CD226: variants seen among roughly 807,000 people sequenced by gnomAD.
The protein encoded by CD226 is CD226 molecule.
Under a neutral mutation model 34.9 loss-of-function variants are expected in CD226, and 24 were observed. The observed-to-expected ratio is 0.69, with a 90% CI of 0.50 to 0.97. CD226 has a LOEUF of 0.97. Among genes scored for constraint, CD226 ranks in the 50% least tolerant of loss-of-function variants. The probability of loss-of-function intolerance (pLI) is 0.00; values close to 1 mark genes in which losing one functional copy is unlikely to be tolerated. For synonymous variants in CD226, 148 were observed against 147.4 expected (o/e 1.00, Z -0.03); for missense variants, 397 against 412.7 (o/e 0.96, Z 0.33).
At chr18:69,938,169 A>G (rs979997316) in intron 2 of CD226, among the ~76,000 whole-genome samples, 10 of 152,218 alleles carry the variant, frequency 6.6e-5, no homozygotes, top group African/African-American at 2.4e-4. Context: ...CAGCAAACAT[A>G]CAATACAGCC....
intron 2 of CD226, among the ~76,000 whole-genome samples, chr18:69,897,007 T>A (rs765803081): frequency 5.9e-5 from 9 of 152,160 alleles, no homozygotes; most frequent in Admixed American, 1.3e-4. Context: ...CCTTAGAGTG[T>A]GTTTGGGGGC....
chr18:69,855,192 A>G lies in CD226; in HGVS notation c.*9122T>C, dbSNP rs1197019387. On this transcript the variant is annotated 3_prime_UTR_variant, in exon 6 of 6. Transcript: ENST00000582621. ...CTGAAGAGATAAAGCAATCATTGGA[A>G]CCAGATAGAGACATGACACGTGTCA... The G allele has an allele frequency of 2.0e-5, 3 of 152,188 alleles. No individual in the cohort carries two copies. Among genetic ancestry groups the G allele is most frequent in the African/African-American group, 7.2e-5 (3 of 41,452 alleles). 9.4% of individuals were successfully genotyped at this position (152,188 alleles called of 1,614,324 possible). A position where few individuals can be genotyped will look rare whatever the true frequency, so the allele number is the denominator to read the frequency against.
At chr18:69,888,206 CT>C (rs1598972367) in intron 3 of CD226, among the ~76,000 whole-genome samples, 1 of 152,116 alleles carries the variant, frequency 6.6e-6, no homozygotes, top group Non-Finnish European at 1.5e-5. Flanking sequence ...TAATTTTCTA[CT>C]TGCTTTTGGA....
At chr18:69,884,245 C>A (rs1485960483) in intron 3 of CD226, among the ~76,000 whole-genome samples, 1 of 152,120 alleles carries the variant, frequency 6.6e-6, no homozygotes, top group African/African-American at 2.4e-5. Flanking sequence ...TGGAATATCA[C>A]CCTGATTCCT....
rs1448505550 is a variant in CD226 at position 69,880,353 on chromosome 18, AAAGAAAGGAAGG to A, written c.728-7119_728-7108del. On this transcript the variant is annotated intron_variant, in intron 3 of 5. Transcript: ENST00000582621. Reference sequence around the variant, plus strand: ...GAGAGAAAGAAAGAAAGAAAGAAAGAAAGAAAGGAAGGAAGGAAGGAAGGAAGGGGAAAGAAA... The same window carrying A: ...GAGAGAAAGAAAGAAAGAAAGAAAGAAAGGAAGGAAGGAAGGGGAAAGAAA... Among the ~76,000 whole-genome samples, 549 of 118,642 alleles carry A rather than the reference AAAGAAAGGAAGG, an allele frequency of 4.6e-3. 2 individuals carry two copies. The highest frequency in any genetic ancestry group is 8.3e-3 in the Middle Eastern group (2 of 240). 77.8% of individuals were successfully genotyped at this position (118,642 alleles called of 152,430 possible).
In CD226 at chr18:69,858,050, T is replaced by G. The variant is rs1790961; in HGVS notation, c.*6264A>C. On this transcript the variant is annotated 3_prime_UTR_variant, in exon 6 of 6. Transcript: ENST00000582621. Reference sequence around the variant, plus strand: ...TCTAGAAAAATATGCAATGTATACATGCGGATGATTAGTAAACCCTAATAT... The same window carrying G: ...TCTAGAAAAATATGCAATGTATACAGGCGGATGATTAGTAAACCCTAATAT... 0.47 allele frequency: 71,297 copies of G among 151,996 alleles called. 17,672 individuals are homozygous for G. Among genetic ancestry groups the G allele is most frequent in the East Asian group, 0.64 (3,307 of 5,166 alleles). 9.4% of individuals were successfully genotyped at this position (151,996 alleles called of 1,614,324 possible).
intron 3 of CD226, among the ~76,000 whole-genome samples, chr18:69,884,423 C>T (rs949891188): frequency 6.6e-6 from 1 of 152,194 alleles, no homozygotes; most frequent in Non-Finnish European, 1.5e-5. Flanking sequence ...ATTTCTCCTC[C>T]CTCCTTTCTT....
At chr18:69,917,036 C>A (rs2055394531) in intron 2 of CD226, among the ~76,000 whole-genome samples, 1 of 152,180 alleles carries the variant, frequency 6.6e-6, no homozygotes, top group Non-Finnish European at 1.5e-5. Flanking sequence ...CTGCCTACTT[C>A]TCTGCTTTCC....
At chr18:69,901,137 T>C (rs1020567735) in intron 2 of CD226, among the ~76,000 whole-genome samples, 6 of 151,646 alleles carry the variant, frequency 4.0e-5, no homozygotes, top group African/African-American at 9.7e-5. Flanking sequence ...CACGGGAATA[T>C]GAAAAACTCA....
rs116318628 is a variant in CD226 at position 69,935,160 on chromosome 18, T to G, written c.382+11574A>C. ...TTTACCAGCTAAGAGCTTTTGGACT[T>G]TCTTCAGTTACTTATTTTCTTTTTG... On this transcript the variant is annotated intron_variant, in intron 2 of 5. Coordinates refer to ENST00000582621, the MANE Select transcript of CD226 (RefSeq NM_001303618.2). 5.7e-3 allele frequency among the ~76,000 whole-genome samples: 862 copies of G among 152,366 alleles called. 13 individuals carry two copies. The highest frequency in any genetic ancestry group is 0.02 in the African/African-American group (815 of 41,584).
At chr18:69,920,708 C>T (rs772548784) in intron 2 of CD226, among the ~76,000 whole-genome samples, 20 of 152,170 alleles carry the variant, frequency 1.3e-4, no homozygotes, top group Non-Finnish European at 2.6e-4. Flanking sequence ...TTTATTGAAT[C>T]TCACCTTTCA....
intron 2 of CD226, among the ~76,000 whole-genome samples, chr18:69,931,693 T>G (rs2055591362): frequency 6.6e-6 from 1 of 152,198 alleles, no homozygotes; most frequent in African/African-American, 2.4e-5. Flanking sequence ...ATGTAAGACC[T>G]GAATCTTCAA....
At chr18:69,956,534 T>C (rs1445897349) in intron 1 of CD226, 1 of 152,164 alleles carries the variant, frequency 6.6e-6, no homozygotes, top group Non-Finnish European at 1.5e-5. Context: ...TGAGAAAAAG[T>C]ACTTAACTGG....
At chr18:69,955,606 G>A (rs931673572) in intron 1 of CD226, among the ~76,000 whole-genome samples, 5 of 152,172 alleles carry the variant, frequency 3.3e-5, no homozygotes, top group East Asian at 1.9e-4. Flanking sequence ...GGTGGCTCAC[G>A]CCTGTAATCC....
intron 2 of CD226, among the ~76,000 whole-genome samples, chr18:69,912,623 T>C (rs886872289): frequency 6.6e-6 from 1 of 152,260 alleles, no homozygotes. Context: ...TGGCTATATT[T>C]CATGATCTTT....
chr18:69,907,693 T>C (rs899598959), intron 2 of CD226, among the ~76,000 whole-genome samples: 26 of 152,102 alleles, frequency 1.7e-4, no homozygotes, highest in Non-Finnish European at 2.8e-4. Flanking sequence ...TTACAGTGGC[T>C]GGGGATTGGG....
At chr18:69,959,617 ATT>A, upstream of CD226, among the ~76,000 whole-genome samples, 1 of 145,252 alleles carries the variant, frequency 6.9e-6, no homozygotes, top group Non-Finnish European at 1.5e-5. Flanking sequence ...TTATAGGAAA[ATT>A]CAGCTACTAA....
At chr18:69,956,269 C>A (rs565053945) in intron 1 of CD226, among the ~76,000 whole-genome samples, 4 of 152,370 alleles carry the variant, frequency 2.6e-5, no homozygotes, top group Admixed American at 2.6e-4. Context: ...TCACAACTGA[C>A]AGACACCACA....
chr18:69,910,170 T>C (rs961444112), intron 2 of CD226, among the ~76,000 whole-genome samples: 1 of 152,234 alleles, frequency 6.6e-6, no homozygotes, highest in African/African-American at 2.4e-5. Context: ...ACTGTGTTAG[T>C]AGTTTTCTAA....
Sources: allele counts gnomAD v4.1 joint callset (sites outside exome capture counted in the v4.1 genomes callset), GRCh38; gene constraint gnomAD v4.1.1; transcripts MANE v1.5; gene names NCBI Gene and HGNC (gene_info 2026-07-23, HGNC 2026-07-21).